Variants in KIDINS220 observed in about 807,000 individuals in gnomAD.
KIDINS220 encodes the protein kinase D-interacting substrate of 220 kDa.
A neutral mutation model predicts 157.6 loss-of-function variants in KIDINS220; 63 were observed. The observed-to-expected ratio is 0.40, with a 90% CI of 0.33 to 0.49. The LOEUF is 0.49. Among genes scored for constraint, KIDINS220 ranks in the 20% least tolerant of loss-of-function variants. The pLI is 0.66. For missense variants in KIDINS220, 1,772 were observed against 2,171.2 expected, an observed-to-expected ratio of 0.82 and a Z score of 3.65; for synonymous variants, 732 against 783.6, an observed-to-expected ratio of 0.93 and a Z score of 1.10.
chr2:8,776,397 TA>T (rs778932020), intron 21 of KIDINS220, among the ~76,000 whole-genome samples: 27 of 150,810 alleles, frequency 1.8e-4, no homozygotes, highest in Admixed American at 2.6e-4. Flanking sequence ...ATATGAAAAT[TA>T]AAAAAAAAGC....
At chr2:8,823,433 T>TA (rs35736601) in intron 2 of KIDINS220, among the ~76,000 whole-genome samples, 67,376 of 127,128 alleles carry the variant, frequency 0.53, 16,306 homozygotes, top group Middle Eastern at 0.6. Flanking sequence ...AGCAAAATGC[T>TA]AAAAAAAAAA....
chr2:8,834,102 A>C (rs536769731), intron 1 of KIDINS220, among the ~76,000 whole-genome samples: 22 of 152,132 alleles, frequency 1.4e-4, no homozygotes, highest in African/African-American at 5.1e-4. Flanking sequence ...CTCCAGCAAC[A>C]ATCACCCCTG....
chr2:8,815,038 T>C (rs557300551), intron 4 of KIDINS220, among the ~76,000 whole-genome samples: 12 of 152,340 alleles, frequency 7.9e-5, no homozygotes, highest in African/African-American at 2.9e-4. Flanking sequence ...AAGTCAAGTC[T>C]TACATCTGTA....
At chr2:8,817,301 T>TA (rs1487279766) in intron 4 of KIDINS220, among the ~76,000 whole-genome samples, 1 of 152,186 alleles carries the variant, frequency 6.6e-6, no homozygotes, top group East Asian at 1.9e-4. Context: ...CTGTCCCTCC[T>TA]AAAGTCCTAC....
At chr2:8,796,504 C>T (rs914898229) in intron 11 of KIDINS220, among the ~76,000 whole-genome samples, 1 of 152,174 alleles carries the variant, frequency 6.6e-6, no homozygotes, top group Non-Finnish European at 1.5e-5. Context: ...GAAGGCAGAG[C>T]CTCCTCCTGA....
At chr2:8,827,898 C>T (rs1679050308) in intron 1 of KIDINS220, among the ~76,000 whole-genome samples, 1 of 152,180 alleles carries the variant, frequency 6.6e-6, no homozygotes, top group Non-Finnish European at 1.5e-5. Context: ...CTGGGCCCCA[C>T]CGTCAGAGAT....
rs902360620 is a variant in KIDINS220 at position 8,731,215 on chromosome 2, G to C, written c.4821C>G (p.Ser1607=). 34 of 1,613,998 alleles carry C rather than the reference G, an allele frequency of 2.1e-5. No homozygotes were observed. The highest frequency in any genetic ancestry group is 2.8e-5 in the Non-Finnish European group (33 of 1,180,042). The change falls in exon 30 of 30, where the codon TCC becomes TCG. Residue 1607 remains serine (S), a synonymous_variant. Transcript: ENST00000256707. This position sits in a 1 kb window ranked among gnomAD's most constrained non-coding sequence, Gnocchi z 5.2. ...HSLHNEVADD[S]QLEKANLIEL... is the part of the protein sequence containing the mutation. ...CTATGAGATTTGCCTTTTCAAGCTG[G>C]GAGTCATCCGCCACTTCATTGTGCA...
intron 12 of KIDINS220, among the ~76,000 whole-genome samples, chr2:8,793,186 AT>A (rs1241411978): frequency 6.6e-6 from 1 of 152,094 alleles, no homozygotes; most frequent in Non-Finnish European, 1.5e-5. Flanking sequence ...ATAAGAAAAA[AT>A]ATTTTAAAAT....
In KIDINS220 at chr2:8,791,154, A is replaced by G; in HGVS notation, c.1347T>C (p.Asp449=). The G allele has an allele frequency of 3.1e-6, 5 of 1,614,164 alleles. No individual in the cohort carries two copies. Among genetic ancestry groups the G allele is most frequent in the Non-Finnish European group, 4.2e-6 (5 of 1,179,982 alleles). ...GYDLYSSALA[D]ILSEPTMQPP... is the part of the protein sequence containing the mutation. The stretch of plus-strand genomic sequence containing the variant: ...GCTGCATGGTAGGCTCACTGAGAAT[A>G]TCTGCCAGGGCACTGCTATATAAAT... The change falls in exon 13 of 30, where the codon GAT becomes GAC. Residue 449 remains aspartate (D), a synonymous_variant. Transcript: ENST00000256707.
chr2:8,752,452 A>G (rs1667495163), intron 22 of KIDINS220, among the ~76,000 whole-genome samples: 1 of 152,206 alleles, frequency 6.6e-6, no homozygotes, highest in Non-Finnish European at 1.5e-5. Flanking sequence ...ACAGAAGGAA[A>G]GACGCACATG....
intron 19 of KIDINS220, 43 bp downstream of exon 19, chr2:8,778,853 A>G (rs1671319724): frequency 1.9e-6 from 3 of 1,608,272 alleles, no homozygotes; most frequent in Admixed American, 3.4e-5. Context: ...AGAAACTACA[A>G]AACTATTTCA....
chr2:8,744,378 AAAAAAAAAAAATATATATATAT>A (rs1448291885), intron 26 of KIDINS220, among the ~76,000 whole-genome samples: 364 of 25,842 alleles, frequency 0.014, 17 homozygotes, highest in African/African-American at 0.028. Flanking sequence ...AAAAAAAAAA[AAAAAAAAAAAATATATATATAT>A]AATATATATA....
downstream of KIDINS220, chr2:8,727,150 G>A: frequency 1.7e-6 from 2 of 1,144,510 alleles, no homozygotes; most frequent in Non-Finnish European, 2.2e-6. Context: ...GAGTACCACA[G>A]CCTGGAAACT....
chr2:8,721,364 C>T (rs1292559165), downstream of KIDINS220: 1 of 152,122 alleles, frequency 6.6e-6, no homozygotes, highest in Non-Finnish European at 1.5e-5. Context: ...GTGGTCTAAT[C>T]CATGCATCAT....
intron 12 of KIDINS220, 48 bp from the exon 13 acceptor site, chr2:8,791,272 T>C: frequency 4.7e-6 from 7 of 1,477,252 alleles, no homozygotes; most frequent in Non-Finnish European, 6.6e-6. Context: ...GGCATTACTA[T>C]TAGAAATGAA....
intron 18 of KIDINS220, 61 bp downstream of exon 18, chr2:8,779,613 C>A: frequency 1.3e-6 from 2 of 1,537,860 alleles, no homozygotes; most frequent in South Asian, 1.2e-5. Context: ...TTTGTGAAGT[C>A]AAACATTCTC....
downstream of KIDINS220, chr2:8,721,792 C>T (rs1419858791): frequency 1.3e-5 from 2 of 152,200 alleles, no homozygotes; most frequent in African/African-American, 4.8e-5. Context: ...TTGGGCAATT[C>T]CTTAGCATCT....
chr2:8,775,153 G>A (rs911279531), intron 21 of KIDINS220, among the ~76,000 whole-genome samples: 1 of 152,160 alleles, frequency 6.6e-6, no homozygotes, highest in African/African-American at 2.4e-5. Context: ...GGAAAGACAT[G>A]GATGGATGAA....
intron 1 of KIDINS220, among the ~76,000 whole-genome samples, chr2:8,832,080 G>T (rs1034839528): frequency 1.6e-4 from 24 of 152,100 alleles, no homozygotes. Flanking sequence ...TATTCCTGAA[G>T]CACCCGAGAC....
Sources: allele counts gnomAD v4.1 joint callset (sites outside exome capture counted in the v4.1 genomes callset), GRCh38; gene constraint gnomAD v4.1.1; non-coding constraint Gnocchi (gnomAD v3.1); transcripts MANE v1.5; gene names NCBI Gene and HGNC (gene_info 2026-07-23, HGNC 2026-07-21).